The following FUNDC2 variants were observed in gnomAD, a reference collection of about 807,000 sequenced individuals.
FUNDC2 encodes the protein FUN14 domain containing 2.
In FUNDC2, 4 loss-of-function variants were observed where a neutral mutation model predicts 15.6. The ratio of observed to expected loss-of-function variants is 0.26; its 90% confidence interval spans 0.13 to 0.59. The LOEUF (loss-of-function observed/expected upper bound fraction) is 0.59. Ranked by LOEUF, FUNDC2 falls within the 20% of genes least tolerant of loss-of-function variation. The pLI, the probability that FUNDC2 is intolerant of heterozygous loss-of-function variation, is 0.90. For synonymous variants in FUNDC2, 44 were observed against 56.9 expected (o/e 0.77, Z 1.02); for missense variants, 98 against 149.7 (o/e 0.65, Z 1.80).
chrX:155,032,280 C>CTTTTTT (rs200923469), intron 1 of FUNDC2, among the ~76,000 whole-genome samples: 4 of 62,741 alleles, frequency 6.4e-5, no homozygotes, highest in Non-Finnish European at 1.2e-4. Flanking sequence ...CTGGTGCCTT[C>CTTTTTT]TTTTTTTTTT....
At chrX:155,053,786 A>G in intron 4 of FUNDC2, 1 of 746,336 alleles carries the variant, frequency 1.3e-6, no homozygotes, top group Non-Finnish European at 1.6e-6. Flanking sequence ...TCAGGCCAGG[A>G]TGTTGGATGT....
In FUNDC2 at chrX:155,057,032, G is replaced by GAACAC. The variant is rs2073905591; in HGVS notation, c.*2360_*2361insAACAC. The GAACAC allele has an allele frequency of 1.0e-5, 1 of 98,127 alleles. No individual in the cohort carries two copies. The highest frequency in any genetic ancestry group is 2.2e-5 in the Non-Finnish European group (1 of 46,159). The allele number at this position is 98,127 out of a possible 1,213,427, so 8.1% of individuals were successfully genotyped here. On this transcript the variant is annotated 3_prime_UTR_variant, in exon 5 of 5. Transcript: ENST00000369498. Reference sequence around the variant, plus strand: ...ATGGTTGAGGTCAGTATTGCAGGTTGGCCTCATCCTGCTAGTATGAGAACG... The same window carrying GAACAC: ...ATGGTTGAGGTCAGTATTGCAGGTTGAACACGCCTCATCCTGCTAGTATGAGAACG...
At chrX:155,039,239 T>C (rs963535722) in intron 2 of FUNDC2, among the ~76,000 whole-genome samples, 5 of 112,696 alleles carry the variant, frequency 4.4e-5, no homozygotes, top group Non-Finnish European at 1.9e-5. Context: ...TAATCCCTTG[T>C]ATATCTTTTA....
intron 1 of FUNDC2, among the ~76,000 whole-genome samples, chrX:155,028,040 C>CAGAGCAGACTGCTCTAATAGACTTTTATA (rs2073800734): frequency 1.2e-5 from 1 of 83,176 alleles, no homozygotes; most frequent in African/African-American, 5.6e-5. Context: ...TATTTTCCTG[C>CAGAGCAGACTGCTCTAATAGACTTTTATA]AGAGCAGACT....
chrX:155,028,224 A>AT (rs1197019505), intron 1 of FUNDC2, among the ~76,000 whole-genome samples: 1 of 110,736 alleles, frequency 9.0e-6, no homozygotes, highest in Non-Finnish European at 1.9e-5. Flanking sequence ...GTGATCATTG[A>AT]TTTTGTGGGC....
At chrX:155,030,006 A>G (rs940483515) in intron 1 of FUNDC2, among the ~76,000 whole-genome samples, 17 of 110,922 alleles carry the variant, frequency 1.5e-4, no homozygotes, top group Non-Finnish European at 2.8e-4. Flanking sequence ...AATTTTTGCA[A>G]TTAAAATTAT....
intron 1 of FUNDC2, among the ~76,000 whole-genome samples, chrX:155,032,036 C>T (rs1479388345): frequency 5.6e-5 from 6 of 107,457 alleles, no homozygotes; most frequent in South Asian, 4.1e-4. Context: ...AGTGAAGTGG[C>T]GCGATCTCGG....
chrX:155,045,688 G>A (rs1046356595), intron 2 of FUNDC2, among the ~76,000 whole-genome samples: 2 of 110,976 alleles, frequency 1.8e-5, no homozygotes, highest in African/African-American at 3.3e-5. Flanking sequence ...CAAAAGAGAC[G>A]GCCTCAAAGT....
rs1232203998 is a variant in FUNDC2 at position 155,054,434 on chromosome X, AGACT to A, written c.493-160_493-157del. On this transcript the variant is annotated intron_variant, in intron 4 of 4. Coordinates refer to ENST00000369498, the MANE Select transcript of FUNDC2 (RefSeq NM_023934.4). ...TAAGTCTATTTAATTATTATTAAAT[AGACT>A]ATTAGTGTAAGTCCATTGCCCTTTG... 4.2e-5 allele frequency: 31 copies of A among 746,906 alleles called. No homozygotes were observed. The Admixed American group carries it at 2.6e-3, about 62-fold the overall frequency. The allele number at this position is 746,906 out of a possible 1,213,427, so 61.6% of individuals were successfully genotyped here.
Position 155,029,942 on chromosome X carries a change from T to C in FUNDC2, c.133+2871T>C, listed in dbSNP as rs2073809289. Among the ~76,000 whole-genome samples, 3 of 111,242 alleles carry C rather than the reference T, an allele frequency of 2.7e-5. No homozygotes were observed. The South Asian group carries it at 1.1e-3, about 42-fold the overall frequency. On this transcript the variant is annotated intron_variant, in intron 1 of 4. Coordinates refer to ENST00000369498, the MANE Select transcript of FUNDC2 (RefSeq NM_023934.4). The stretch of plus-strand genomic sequence containing the variant: ...CAGTGTTTTGTAGTTTGCAGTGTTT[T>C]CTAGTTTACAGTGAACAGGTCTTGT...
chrX:155,055,176 G>A lies in FUNDC2; in HGVS notation c.*504G>A, dbSNP rs929046735. On this transcript the variant is annotated 3_prime_UTR_variant, in exon 5 of 5. Transcript: ENST00000369498. ...TTACATTACAGAAAGCTATTTAAAT[G>A]TGTTATAATTATGCCGACAAAATTG... The A allele has an allele frequency of 1.3e-5, 4 of 296,627 alleles. No homozygotes were observed. The highest frequency in any genetic ancestry group is 1.1e-4 in the African/African-American group (4 of 36,322). The allele number at this position is 296,627 out of a possible 1,213,427, so 24.4% of individuals were successfully genotyped here. A position where few individuals can be genotyped will look rare whatever the true frequency, so the allele number is the denominator to read the frequency against.
At chrX:155,029,721 C>G (rs2073808357) in intron 1 of FUNDC2, among the ~76,000 whole-genome samples, 1 of 100,973 alleles carries the variant, frequency 9.9e-6, no homozygotes, top group South Asian at 4.7e-4. Context: ...TCATTGCACT[C>G]CAGCCTGGGC....
At chrX:155,048,672 C>A (rs1557290239) in intron 3 of FUNDC2, among the ~76,000 whole-genome samples, 1 of 112,684 alleles carries the variant, frequency 8.9e-6, no homozygotes, top group African/African-American at 3.2e-5. Flanking sequence ...ATCGGAATTG[C>A]ATTGGAACCA....
chrX:155,051,944 A>C, intron 4 of FUNDC2, 143 bp downstream of exon 4: 1 of 560,936 alleles, frequency 1.8e-6, no homozygotes, highest in Non-Finnish European at 2.8e-6. Context: ...AACTTGGATT[A>C]TCATCACTTC....
intron 2 of FUNDC2, among the ~76,000 whole-genome samples, chrX:155,038,099 C>T (rs960147552): frequency 7.4e-5 from 8 of 108,603 alleles, no homozygotes; most frequent in African/African-American, 1.3e-4. Context: ...TGGTGGTATG[C>T]GCCTGTAGTC....
Position 155,057,031 on chromosome X carries a change from TGGCCTCATC to T in FUNDC2, c.*2360_*2368del, listed in dbSNP as rs1487409937. On this transcript the variant is annotated 3_prime_UTR_variant, in exon 5 of 5. Coordinates refer to ENST00000369498, the MANE Select transcript of FUNDC2 (RefSeq NM_023934.4). ...CATGGTTGAGGTCAGTATTGCAGGT[TGGCCTCATC>T]CTGCTAGTATGAGAACGGCTGTGAG... is the stretch of plus-strand genomic sequence containing the variant. The T allele has an allele frequency of 1.0e-5, 1 of 100,502 alleles. No homozygotes were observed. Among genetic ancestry groups the T allele is most frequent in the African/African-American group, 3.8e-5 (1 of 26,395 alleles). 8.3% of individuals were successfully genotyped at this position (100,502 alleles called of 1,213,427 possible).
chrX:155,038,730 C>G (rs2073839102), intron 2 of FUNDC2, among the ~76,000 whole-genome samples: 1 of 112,419 alleles, frequency 8.9e-6, no homozygotes, highest in South Asian at 3.7e-4. Context: ...TAATATACCA[C>G]ATTTTCATTA....
At position 155,055,157 on chromosome X, in the gene FUNDC2, T is replaced by G; in HGVS notation, c.*485T>G. ...CTTTCTTTTTTAGTTGGTTTTACATTACAGAAAGCTATTTAAATGTGTTAT... is the reference window on the plus strand; with the variant it reads ...CTTTCTTTTTTAGTTGGTTTTACATGACAGAAAGCTATTTAAATGTGTTAT... On this transcript the variant is annotated 3_prime_UTR_variant, in exon 5 of 5. Transcript: ENST00000369498. 1 of 299,134 alleles carries G rather than the reference T, an allele frequency of 3.3e-6. No homozygotes were observed. 24.7% of individuals were successfully genotyped at this position (299,134 alleles called of 1,213,427 possible).
chrX:155,055,831 C>G lies in FUNDC2; in HGVS notation c.*1159C>G, dbSNP rs782689356. 8.9e-6 allele frequency: 1 copy of G among 112,152 alleles called. No homozygotes were observed. The highest frequency in any genetic ancestry group is 1.9e-5 in the Non-Finnish European group (1 of 53,361). 9.2% of individuals were successfully genotyped at this position (112,152 alleles called of 1,213,427 possible). On this transcript the variant is annotated 3_prime_UTR_variant, in exon 5 of 5. Coordinates refer to ENST00000369498, the MANE Select transcript of FUNDC2 (RefSeq NM_023934.4). ...AATGACTTTATAGAAAGAAAACTCA[C>G]TATTAAAGGTTAGTTTTACTCAGAA...
Sources: allele counts gnomAD v4.1 joint callset (sites outside exome capture counted in the v4.1 genomes callset), GRCh38; gene constraint gnomAD v4.1.1; transcripts MANE v1.5; gene names NCBI Gene and HGNC (gene_info 2026-07-23, HGNC 2026-07-21).